The following VSTM4 variants were observed in gnomAD, a reference collection of about 807,000 sequenced individuals.
VSTM4 encodes V-set and transmembrane domain-containing protein 4.
Under a neutral mutation model 36.4 loss-of-function variants are expected in VSTM4, and 20 were observed. The observed-to-expected ratio is 0.55, with a 90% CI of 0.39 to 0.80. The LOEUF (loss-of-function observed/expected upper bound fraction) is 0.80. Ranked by LOEUF, VSTM4 falls within the 30% of genes least tolerant of loss-of-function variation. The pLI, the probability that VSTM4 is intolerant of heterozygous loss-of-function variation, is 0.00. For missense variants in VSTM4, 392 were observed against 404.5 expected (o/e 0.97, Z 0.26); for synonymous variants, 182 against 173.9 (o/e 1.05, Z -0.37).
In VSTM4 at chr10:49,109,432, C is replaced by T. The variant is rs538582585; in HGVS notation, c.56-1437G>A. Reference sequence around the variant, plus strand: ...CCAGGCAACAGGTCTTCCTCCTATACAGTTTCCACTATTGATTTAATAACT... The same window carrying T: ...CCAGGCAACAGGTCTTCCTCCTATATAGTTTCCACTATTGATTTAATAACT... On this transcript the variant is annotated intron_variant, in intron 1 of 7. Transcript: ENST00000332853. Among the ~76,000 whole-genome samples the T allele has an allele frequency of 9.2e-5, 14 of 152,240 alleles. No homozygotes were observed. The East Asian group carries it at 2.3e-3, about 25-fold the overall frequency.
At chr10:49,113,176 T>C (rs944184220) in intron 1 of VSTM4, among the ~76,000 whole-genome samples, 5 of 152,238 alleles carry the variant, frequency 3.3e-5, no homozygotes, top group African/African-American at 1.2e-4. Flanking sequence ...CTGTCAGTAC[T>C]GATCAGCAGC....
intron 2 of VSTM4, among the ~76,000 whole-genome samples, chr10:49,088,983 C>T (rs1844424482): frequency 6.6e-6 from 1 of 152,254 alleles, no homozygotes; most frequent in Non-Finnish European, 1.5e-5. Context: ...GCCGGATCTA[C>T]TGAATCAGAA....
chr10:49,054,231 AG>A (rs1165238278), intron 5 of VSTM4, among the ~76,000 whole-genome samples: 1 of 152,232 alleles, frequency 6.6e-6, no homozygotes, highest in Non-Finnish European at 1.5e-5. Flanking sequence ...AACAGGAACA[AG>A]GTCAATAGAG....
At position 49,083,751 on chromosome 10, in the gene VSTM4, T is replaced by C. The variant is rs113543158; in HGVS notation, c.526+2204A>G. On this transcript the variant is annotated intron_variant, in intron 3 of 7. Coordinates refer to ENST00000332853, the MANE Select transcript of VSTM4 (RefSeq NM_001031746.5). ...ATTGCACAAAGGGTTTCAGAAATGCTGATTATGCTGTGGGGTATGTTGGGT... is the reference window on the plus strand; with the variant it reads ...ATTGCACAAAGGGTTTCAGAAATGCCGATTATGCTGTGGGGTATGTTGGGT... Among the ~76,000 whole-genome samples the C allele has an allele frequency of 8.1e-4, 124 of 152,346 alleles. 2 individuals are homozygous for C. Among genetic ancestry groups the C allele is most frequent in the African/African-American group, 2.8e-3 (117 of 41,582 alleles).
rs1010387829 is a variant in VSTM4, at chr10:49,019,095, C to A, written c.*555G>T. ...GTCAGTCTGCCCCTCTGGCCTTAAT[C>A]TTCAGGGTTAGTGCATCTATTTAAA... On this transcript the variant is annotated 3_prime_UTR_variant, in exon 8 of 8. Coordinates refer to ENST00000332853, the MANE Select transcript of VSTM4 (RefSeq NM_001031746.5). The A allele has an allele frequency of 1.1e-4, 16 of 152,230 alleles. No homozygotes were observed. The highest frequency in any genetic ancestry group is 1.9e-4 in the Non-Finnish European group (13 of 68,054). 9.4% of individuals were successfully genotyped at this position (152,230 alleles called of 1,614,324 possible). A position where few individuals can be genotyped will look rare whatever the true frequency, so the allele number is the denominator to read the frequency against.
intron 5 of VSTM4, among the ~76,000 whole-genome samples, chr10:49,048,870 C>A: frequency 6.6e-6 from 1 of 152,126 alleles, no homozygotes; most frequent in Non-Finnish European, 1.5e-5. Context: ...AGGGACCCAG[C>A]GTTAGCTTGT....
intron 2 of VSTM4, among the ~76,000 whole-genome samples, chr10:49,099,561 C>G (rs1844630622): frequency 1.3e-5 from 2 of 152,162 alleles, no homozygotes; most frequent in South Asian, 4.1e-4. Context: ...TCATGATTTC[C>G]ACTAGAAACC....
intron 7 of VSTM4, among the ~76,000 whole-genome samples, chr10:49,025,620 A>T (rs1590066560): frequency 6.6e-6 from 1 of 152,192 alleles, no homozygotes; most frequent in East Asian, 1.9e-4. Flanking sequence ...GAAAGGGGGC[A>T]ATGGTGACTG....
intron 4 of VSTM4, among the ~76,000 whole-genome samples, chr10:49,068,636 T>C (rs894839600): frequency 1.3e-5 from 2 of 152,278 alleles, no homozygotes; most frequent in Middle Eastern, 6.8e-3. Flanking sequence ...CCCTTAAATA[T>C]GCATAGCATA....
intron 1 of VSTM4, among the ~76,000 whole-genome samples, chr10:49,111,258 G>C (rs1322100667): frequency 2.0e-5 from 3 of 152,188 alleles, no homozygotes; most frequent in Admixed American, 1.3e-4. Context: ...TACTAAGAGA[G>C]AGGTAGTCCG....
chr10:49,055,085 T>C lies in VSTM4; in HGVS notation c.669-6501A>G, dbSNP rs553553469. On this transcript the variant is annotated intron_variant, in intron 5 of 7. Transcript: ENST00000332853. Reference sequence around the variant, plus strand: ...CACTCCAAAGGGATGTATTGTGGTCTGAACTGGGACACCTAGGGATGTCAA... The same window carrying C: ...CACTCCAAAGGGATGTATTGTGGTCCGAACTGGGACACCTAGGGATGTCAA... 2.0e-5 allele frequency among the ~76,000 whole-genome samples: 3 copies of C among 152,268 alleles called. No homozygotes were observed. The South Asian group carries it at 6.2e-4, about 32-fold the overall frequency.
intron 1 of VSTM4, 44 bp downstream of exon 1, chr10:49,115,387 C>A: frequency 1.0e-6 from 1 of 1,000,454 alleles, no homozygotes; most frequent in Non-Finnish European, 1.2e-6. Context: ...CGCGGCCGCC[C>A]GGCCCCCACC....
At position 49,107,955 on chromosome 10, in the gene VSTM4, G is replaced by A. The variant is rs781699011; in HGVS notation, c.96C>T (p.Pro32=). 18 of 1,602,564 alleles carry A rather than the reference G, an allele frequency of 1.1e-5. No homozygotes were observed. Among genetic ancestry groups the A allele is most frequent in the South Asian group, 4.5e-5 (4 of 89,496 alleles). ...AALNVTVSPG[P]VVDYLEGENA... Reference sequence around the variant, plus strand: ...TCTCCCCCTCCAGGTAGTCAACCACGGGCCCCGGGGACACAGTGACATTGA... The same window carrying A: ...TCTCCCCCTCCAGGTAGTCAACCACAGGCCCCGGGGACACAGTGACATTGA... Residue 32 remains proline, a synonymous_variant, in exon 2 of 8, where the codon CCC becomes CCT. Transcript: ENST00000332853.
chr10:49,037,790 T>C (rs1476130003), intron 7 of VSTM4, among the ~76,000 whole-genome samples: 2 of 152,210 alleles, frequency 1.3e-5, no homozygotes, highest in Non-Finnish European at 2.9e-5. Context: ...TTTTTAAAAA[T>C]GGTCAATGGA....
rs751372751 is a variant in VSTM4 at position 49,077,239 on chromosome 10, AAC to A, written c.612_613del (p.Phe205Ter). ...CTTACCTCTGGATTTCCGCTTGTTA[AAC>A]ACAGACTGCCAGACGATGACCAGCA... On this transcript the variant is annotated frameshift_variant, in exon 4 of 8. Coordinates refer to ENST00000332853, the MANE Select transcript of VSTM4 (RefSeq NM_001031746.5). LOFTEE classifies it high-confidence loss of function. 9 of 1,614,124 alleles carry A rather than the reference AAC, an allele frequency of 5.6e-6. No individual in the cohort carries two copies. In the Admixed American group the frequency reaches 1.3e-4, roughly 24 times the overall value.
chr10:49,100,895 T>C (rs1844654383), intron 2 of VSTM4, among the ~76,000 whole-genome samples: 1 of 152,166 alleles, frequency 6.6e-6, no homozygotes, highest in Admixed American at 6.5e-5. Flanking sequence ...TATAGGGATT[T>C]AGCTTATGAA....
Position 49,046,863 on chromosome 10 carries a change from T to C in VSTM4, c.837+120A>G, listed in dbSNP as rs192829569. 9.4e-4 allele frequency: 938 copies of C among 995,434 alleles called. 2 individuals carry two copies. The highest frequency in any genetic ancestry group is 1.0e-3 in the Non-Finnish European group (666 of 639,850). The allele number at this position is 995,434 out of a possible 1,614,324, so 61.7% of individuals were successfully genotyped here. Reference sequence around the variant, plus strand: ...CATCTGAGAATAGAGAATGTTTTTGTTTGGGGACAAAAGTTTCTAAAACTT... The same window carrying C: ...CATCTGAGAATAGAGAATGTTTTTGCTTGGGGACAAAAGTTTCTAAAACTT... On this transcript the variant is annotated intron_variant, in intron 7 of 7. Transcript: ENST00000332853.
chr10:49,061,918 T>C (rs1394513204), intron 5 of VSTM4, among the ~76,000 whole-genome samples: 1 of 152,200 alleles, frequency 6.6e-6, no homozygotes, highest in African/African-American at 2.4e-5. Flanking sequence ...TTATTGTTTG[T>C]TTTCTGGTTA....
At chr10:49,045,845 A>G (rs532099217) in intron 7 of VSTM4, among the ~76,000 whole-genome samples, 1 of 152,056 alleles carries the variant, frequency 6.6e-6, no homozygotes, top group Non-Finnish European at 1.5e-5. Context: ...TTGTCCCCCA[A>G]ATCCGTAACC....
Sources: allele counts gnomAD v4.1 joint callset (sites outside exome capture counted in the v4.1 genomes callset), GRCh38; gene constraint gnomAD v4.1.1; transcripts MANE v1.5; gene names NCBI Gene and HGNC (gene_info 2026-07-23, HGNC 2026-07-21).